IL2RB: variants seen among roughly 807,000 people sequenced by gnomAD.
The protein encoded by IL2RB is interleukin 2 receptor subunit beta, also known as interleukin-2 receptor subunit beta.
In IL2RB, 17 loss-of-function variants were observed where a neutral mutation model predicts 44.2. That is an observed-to-expected ratio of 0.38 (90% CI 0.26 to 0.58). The LOEUF is 0.58. Among genes scored for constraint, IL2RB ranks in the 20% least tolerant of loss-of-function variants. The pLI is 0.63. For synonymous variants in IL2RB, 286 were observed against 297.9 expected, an observed-to-expected ratio of 0.96 and a Z score of 0.41; for missense variants, 624 against 685.5, an observed-to-expected ratio of 0.91 and a Z score of 1.00.
upstream of IL2RB, among the ~76,000 whole-genome samples, chr22:37,151,900 T>C (rs978134411): frequency 2.0e-5 from 3 of 152,242 alleles, no homozygotes; most frequent in Non-Finnish European, 4.4e-5. Flanking sequence ...CTGGGTTCCC[T>C]ATTCTGACCA....
intron 1 of IL2RB, among the ~76,000 whole-genome samples, chr22:37,169,172 GAGAGGGGTTCTTACTTAC>G (rs1923183191): frequency 2.7e-5 from 4 of 147,166 alleles, no homozygotes; most frequent in Admixed American, 2.7e-4. Context: ...CTTGCTTACA[GAGAGGGGTTCTTACTTAC>G]AGAGGGGTTC....
intron 1 of IL2RB, among the ~76,000 whole-genome samples, chr22:37,167,787 A>G (rs1923133439): frequency 6.6e-6 from 1 of 152,250 alleles, no homozygotes; most frequent in Non-Finnish European, 1.5e-5. Flanking sequence ...TCAAGGCCAC[A>G]GGTGAAGTGC....
At chr22:37,159,173 G>A (rs978961456) in intron 1 of IL2RB, among the ~76,000 whole-genome samples, 43 of 152,250 alleles carry the variant, frequency 2.8e-4, no homozygotes, top group African/African-American at 9.4e-4. Flanking sequence ...GAAAAAGGAC[G>A]TGTGATGTTT....
intron 3 of IL2RB, among the ~76,000 whole-genome samples, chr22:37,142,987 C>T (rs368285150): frequency 9.2e-5 from 14 of 151,908 alleles, no homozygotes; most frequent in East Asian, 5.8e-4. Flanking sequence ...TGTGGTCTTC[C>T]TCTTCTCCCT....
rs922514292 is a variant in IL2RB, at chr22:37,141,381, G to A, written c.282+1053C>T. Among the ~76,000 whole-genome samples the A allele has an allele frequency of 6.6e-6, 1 of 152,078 alleles. No homozygotes were observed. ...TCTGGGAAGATCCCCCCTTGCCTCC[G>A]CAGGCTCAGAGCTGTCTGTTCCCAC... is the stretch of plus-strand genomic sequence containing the variant. On this transcript the variant is annotated intron_variant, in intron 4 of 9. Transcript: ENST00000216223. This position sits in a 1 kb window ranked among gnomAD's most constrained non-coding sequence, Gnocchi z 4.4.
chr22:37,165,583 C>T (rs1265309190), intron 1 of IL2RB, among the ~76,000 whole-genome samples: 2 of 152,206 alleles, frequency 1.3e-5, no homozygotes, highest in African/African-American at 4.8e-5. Flanking sequence ...GGAACGAATG[C>T]AATATAATCA....
chr22:37,168,847 C>T (rs979114923), intron 1 of IL2RB, among the ~76,000 whole-genome samples: 3 of 152,234 alleles, frequency 2.0e-5, no homozygotes, highest in Non-Finnish European at 4.4e-5. Context: ...CCCTCCACGC[C>T]CAGTGCCAGA....
upstream of IL2RB, among the ~76,000 whole-genome samples, chr22:37,153,689 C>T (rs956147515): frequency 2.0e-5 from 3 of 152,154 alleles, no homozygotes; most frequent in Admixed American, 6.5e-5. Flanking sequence ...AAATTAGGAA[C>T]GCCGGTTGTC....
Position 37,136,243 on chromosome 22 carries a change from T to C in IL2RB, c.688A>G (p.Arg230Gly), listed in dbSNP as rs147009331. Residue 230 changes from arginine (R) to glycine (G), a missense_variant, in exon 7 of 10, where the codon AGG becomes GGG. Arg to Gly is a moderately radical substitution (Grantham distance 125). This residue lies in a region of IL2RB where 255 missense variants were observed against 339.9 expected (regional missense o/e 0.75). Transcript: ENST00000216223. ...WSPWSQPLAF[R>G]TKPAALGKDT... ...CCACCAGTACCTGCAGGCTTTGTCC[T>C]GAAGGCCAGGGGCTGGCTCCAGGGG... 46 of 1,611,028 alleles carry C rather than the reference T, an allele frequency of 2.9e-5. No individual in the cohort carries two copies. The African/African-American group carries it at 5.2e-4, about 18-fold the overall frequency.
chr22:37,147,958 G>A (rs1357116950), intron 1 of IL2RB, among the ~76,000 whole-genome samples: 1 of 152,254 alleles, frequency 6.6e-6, no homozygotes, highest in East Asian at 1.9e-4. Context: ...GGGGCAAGGG[G>A]ACCATCAATG....
intron 3 of IL2RB, chr22:37,142,752 C>A: frequency 1.5e-6 from 1 of 667,918 alleles, no homozygotes; most frequent in Non-Finnish European, 2.8e-6. Flanking sequence ...CTGGAGTGAT[C>A]TAGAAACACA....
chr22:37,157,676 C>T (rs759685931), intron 1 of IL2RB, among the ~76,000 whole-genome samples: 1 of 152,208 alleles, frequency 6.6e-6, no homozygotes, highest in Non-Finnish European at 1.5e-5. Flanking sequence ...CAGTCCTTCC[C>T]TGATCTCCAA....
chr22:37,147,346 G>A (rs1294066420), intron 1 of IL2RB, among the ~76,000 whole-genome samples: 1 of 152,192 alleles, frequency 6.6e-6, no homozygotes, highest in Non-Finnish European at 1.5e-5. Context: ...ACTGCCCAGT[G>A]CCCAGGCAGG....
chr22:37,128,981 C>T lies in IL2RB; in HGVS notation c.904-133G>A. On this transcript the variant is annotated intron_variant, in intron 9 of 9. Coordinates refer to ENST00000216223, the MANE Select transcript of IL2RB (RefSeq NM_000878.5). The surrounding 1 kb of genome is among the most constrained non-coding windows in gnomAD (Gnocchi z 4.5). The stretch of plus-strand genomic sequence containing the variant: ...GCCCAGGGCTGCCCCATCCAGGAAG[C>T]TCTCCCTGATTATAGCCCCGCACTC... 1.8e-6 allele frequency: 2 copies of T among 1,115,838 alleles called. No individual in the cohort carries two copies. The highest frequency in any genetic ancestry group is 2.5e-6 in the Non-Finnish European group (2 of 807,338). The allele number at this position is 1,115,838 out of a possible 1,614,324, so 69.1% of individuals were successfully genotyped here.
In IL2RB at chr22:37,132,369, G is replaced by A. The variant is rs368023129; in HGVS notation, c.903+15C>T. ...CACCCCTGCCCACCTCTGTCTCCCC[G>A]CCCCGGCCTCCTACCTGGACGTCTC... On this transcript the variant is annotated intron_variant, in intron 9 of 9. Coordinates refer to ENST00000216223, the MANE Select transcript of IL2RB (RefSeq NM_000878.5). 42 of 1,608,724 alleles carry A rather than the reference G, an allele frequency of 2.6e-5. No individual in the cohort carries two copies. The highest frequency in any genetic ancestry group is 4.5e-5 in the East Asian group (2 of 44,822).
rs192067570 is a variant in IL2RB at position 37,170,728 on chromosome 22, G to T, written c.-34+4230C>A. ...GCACGGGCCACACACACTTCCCTCA[G>T]TTCCTTTCCTCATTGTCTCCGCAAA... On this transcript the variant is annotated intron_variant, in intron 1 of 5. Coordinates refer to the IL2RB transcript ENST00000429622. 2.5e-4 allele frequency among the ~76,000 whole-genome samples: 38 copies of T among 152,326 alleles called. No individual in the cohort carries two copies. In the East Asian group the frequency reaches 4.6e-3, roughly 19 times the overall value.
At chr22:37,143,786 A>G in intron 2 of IL2RB, 151 bp from the exon 3 acceptor site, 6 of 672,566 alleles carry the variant, frequency 8.9e-6, no homozygotes, top group Non-Finnish European at 1.6e-5. Context: ...GACCCACTTC[A>G]GAGAGGAGGA....
chr22:37,136,150 G>C (rs1298459369), intron 7 of IL2RB, 78 bp downstream of exon 7: 2 of 1,457,676 alleles, frequency 1.4e-6, no homozygotes, highest in African/African-American at 2.8e-5. Context: ...ACCCCAGGCA[G>C]GGAGAGAATG....
At chr22:37,153,825 A>G (rs1200487982), upstream of IL2RB, among the ~76,000 whole-genome samples, 1 of 152,190 alleles carries the variant, frequency 6.6e-6, no homozygotes, top group Non-Finnish European at 1.5e-5. Context: ...AAAAGCACAC[A>G]CATACAAAGA....
Sources: allele counts gnomAD v4.1 joint callset (sites outside exome capture counted in the v4.1 genomes callset), GRCh38; gene constraint gnomAD v4.1.1; regional missense constraint gnomAD v4.1.1; non-coding constraint Gnocchi (gnomAD v3.1); transcripts MANE v1.5; gene names NCBI Gene and HGNC (gene_info 2026-07-23, HGNC 2026-07-21).